The following RBFOX1 variants were observed in gnomAD, a reference collection of about 807,000 sequenced individuals.
RBFOX1 encodes the protein RNA binding fox-1 homolog 1.
In RBFOX1, 8 loss-of-function variants were observed where a neutral mutation model predicts 57.7. The observed-to-expected ratio is 0.14, with a 90% CI of 0.08 to 0.25. The LOEUF (loss-of-function observed/expected upper bound fraction) is 0.25. RBFOX1 is among the 10% of genes least tolerant of loss of function. The pLI is 1.00. For synonymous variants in RBFOX1, 326 were observed against 222.4 expected (o/e 1.47, Z -4.15); for missense variants, 611 against 548.5 (o/e 1.11, Z -1.14).
At chr16:6,756,930 G>A (rs28787107) in intron 3 of RBFOX1, among the ~76,000 whole-genome samples, 63,799 of 151,706 alleles carry the variant, frequency 0.42, 13,481 homozygotes, top group East Asian at 0.58. Context: ...AGCTGAGATC[G>A]TGCCATTGCA....
At chr16:6,010,621 C>G (rs1014038303) in intron 4 of RBFOX1, among the ~76,000 whole-genome samples, 7 of 152,206 alleles carry the variant, frequency 4.6e-5, no homozygotes, top group South Asian at 2.1e-4. Context: ...ATGAGCAGAG[C>G]TTGTTGAGCC....
chr16:7,022,729 A>T (rs539011472), intron 3 of RBFOX1, among the ~76,000 whole-genome samples: 40 of 152,300 alleles, frequency 2.6e-4, no homozygotes, highest in African/African-American at 9.6e-4. Flanking sequence ...AGGAAAAACG[A>T]AGTCTTAGTA....
At chr16:5,520,318 A>G (rs1191831058) in intron 2 of RBFOX1, among the ~76,000 whole-genome samples, 1 of 152,212 alleles carries the variant, frequency 6.6e-6, no homozygotes, top group African/African-American at 2.4e-5. Context: ...TCAGCTTGAA[A>G]TGGCTTGAAG....
At chr16:6,765,799 G>T (rs1324607874) in intron 3 of RBFOX1, among the ~76,000 whole-genome samples, 5 of 152,140 alleles carry the variant, frequency 3.3e-5, no homozygotes, top group Non-Finnish European at 7.3e-5. Context: ...ATACTACTCA[G>T]CCATAAAAAA....
At chr16:6,587,167 A>T (rs548570883) in intron 2 of RBFOX1, among the ~76,000 whole-genome samples, 1 of 152,092 alleles carries the variant, frequency 6.6e-6, no homozygotes, top group Admixed American at 6.6e-5. Flanking sequence ...TCCATTGACT[A>T]ATGTCTCCCC....
At chr16:6,624,175 G>C (rs1601844955) in intron 2 of RBFOX1, among the ~76,000 whole-genome samples, 1 of 152,066 alleles carries the variant, frequency 6.6e-6, no homozygotes, top group African/African-American at 2.4e-5. Flanking sequence ...ATATGAGGAA[G>C]GGGCATAAAT....
intron 3 of RBFOX1, among the ~76,000 whole-genome samples, chr16:6,954,227 G>T (rs921388251): frequency 1.3e-5 from 2 of 151,174 alleles, no homozygotes; most frequent in Non-Finnish European, 3.0e-5. Flanking sequence ...AATCAACGGG[G>T]TGTTGATTTT....
chr16:6,189,357 G>A (rs1288587882), intron 1 of RBFOX1, among the ~76,000 whole-genome samples: 2 of 152,194 alleles, frequency 1.3e-5, no homozygotes, highest in Non-Finnish European at 2.9e-5. Flanking sequence ...TCTAGTGCGC[G>A]CTGGTTCACA....
chr16:7,011,794 G>A (rs1200560218), intron 3 of RBFOX1, among the ~76,000 whole-genome samples: 3 of 152,212 alleles, frequency 2.0e-5, no homozygotes, highest in African/African-American at 4.8e-5. Flanking sequence ...GATTACAGGC[G>A]TGAGCCGCCG....
chr16:6,197,641 T>G lies in RBFOX1; in HGVS notation c.-126-119354T>G, dbSNP rs149340008. Among the ~76,000 whole-genome samples the G allele has an allele frequency of 3.2e-3, 492 of 152,144 alleles. 2 individuals carry two copies. Among genetic ancestry groups the G allele is most frequent in the African/African-American group, 0.011 (464 of 41,536 alleles). ...TGGTGCACAATGAGTTTCTTTTTTT[T>G]TTTTTAATTTTTATTTAAGATTCAG... On this transcript the variant is annotated intron_variant, in intron 1 of 15. Transcript: ENST00000550418.
chr16:5,705,891 G>A (rs533438403), intron 3 of RBFOX1, among the ~76,000 whole-genome samples: 19 of 152,274 alleles, frequency 1.2e-4, no homozygotes, highest in African/African-American at 4.3e-4. Context: ...TCAGACACAT[G>A]AACTGATCGT....
chr16:5,401,946 A>T (rs2066729270), intron 1 of RBFOX1, among the ~76,000 whole-genome samples: 1 of 151,888 alleles, frequency 6.6e-6, no homozygotes, highest in Admixed American at 6.6e-5. Flanking sequence ...CACCCAAAAT[A>T]GGTTGATGTC....
At chr16:7,518,119 C>T (rs774358511) in intron 4 of RBFOX1, 28 bp from the exon 5 acceptor site, 2 of 1,594,216 alleles carry the variant, frequency 1.3e-6, no homozygotes, top group Non-Finnish European at 1.7e-6. Flanking sequence ...GACGTTCTCT[C>T]CCTCTCTGCA....
intron 1 of RBFOX1, among the ~76,000 whole-genome samples, chr16:6,071,385 A>G (rs2095836218): frequency 6.6e-6 from 1 of 152,202 alleles, no homozygotes; most frequent in Non-Finnish European, 1.5e-5. Flanking sequence ...GGCAGAAAAG[A>G]ATTTTTACAA....
At chr16:7,275,076 G>A (rs545658004) in intron 4 of RBFOX1, among the ~76,000 whole-genome samples, 5 of 152,270 alleles carry the variant, frequency 3.3e-5, no homozygotes, top group Admixed American at 1.3e-4. Context: ...AGTGCTGAGC[G>A]GGCAGGGTTC....
chr16:7,035,165 G>C (rs2044018888), intron 3 of RBFOX1, among the ~76,000 whole-genome samples: 1 of 151,974 alleles, frequency 6.6e-6, no homozygotes, highest in Non-Finnish European at 1.5e-5. Flanking sequence ...CAGTGCATTT[G>C]TAATGAGTTT....
At chr16:5,812,264 C>G (rs575830949) in intron 3 of RBFOX1, among the ~76,000 whole-genome samples, 3 of 152,204 alleles carry the variant, frequency 2.0e-5, no homozygotes, top group East Asian at 3.9e-4. Flanking sequence ...TCTGTATACG[C>G]CTTTGGACAT....
At chr16:5,956,678 A>ATTTATATATATATATATATATATATTTTT (rs1555456300) in intron 4 of RBFOX1, among the ~76,000 whole-genome samples, 1 of 116,506 alleles carries the variant, frequency 8.6e-6, no homozygotes, top group African/African-American at 3.5e-5. Context: ...ATATATATAT[A>ATTTATATATATATATATATATATATTTTT]TTTTTTTTGA....
intron 3 of RBFOX1, among the ~76,000 whole-genome samples, chr16:6,676,156 AC>A (rs2057640829): frequency 2.0e-5 from 3 of 151,020 alleles, no homozygotes; most frequent in Non-Finnish European, 4.4e-5. Context: ...ACACACACAC[AC>A]ACACACACAC....
Sources: gnomAD v4.1 joint callset for allele counts (sites outside exome capture counted in the v4.1 genomes callset) on GRCh38, gnomAD v4.1.1 for gene constraint, MANE v1.5 for transcripts, NCBI Gene and HGNC (gene_info 2026-07-23, HGNC 2026-07-21) for gene names.